The following ZNF536 variants were observed in gnomAD, a reference collection of about 807,000 sequenced individuals.
The protein encoded by ZNF536 is zinc finger protein 536.
Under a neutral mutation model 84.5 loss-of-function variants are expected in ZNF536, and 13 were observed. That is an observed-to-expected ratio of 0.15 (90% CI 0.10 to 0.24). The LOEUF is 0.24. ZNF536 is among the 10% of genes least tolerant of loss of function. The pLI is 1.00. For missense variants in ZNF536, 1,536 were observed against 1,747.5 expected (o/e 0.88, Z 2.16); for synonymous variants, 811 against 742.5 (o/e 1.09, Z -1.50).
chr19:30,606,516 TG>T (rs1425976744), intron 1 of ZNF536, among the ~76,000 whole-genome samples: 2 of 152,148 alleles, frequency 1.3e-5, no homozygotes, highest in Non-Finnish European at 2.9e-5. Context: ...CTGAGCCACC[TG>T]AAGTAAGCAG....
At chr19:30,540,479 G>A (rs1213425089) in intron 3 of ZNF536, among the ~76,000 whole-genome samples, 2 of 152,134 alleles carry the variant, frequency 1.3e-5, no homozygotes, top group East Asian at 1.9e-4. Flanking sequence ...TTCTATCCAC[G>A]CCCATATGCA....
intron 1 of ZNF536, among the ~76,000 whole-genome samples, chr19:30,237,778 T>C (rs566231767): frequency 6.6e-6 from 1 of 152,130 alleles, no homozygotes; most frequent in African/African-American, 2.4e-5. Context: ...ATAAGTTCTT[T>C]TTTTTTTTGC....
chr19:30,633,265 AT>A (rs2048954132), intron 1 of ZNF536, among the ~76,000 whole-genome samples: 2 of 152,168 alleles, frequency 1.3e-5, no homozygotes, highest in South Asian at 4.1e-4. Context: ...ATTCAATTGT[AT>A]TTATTCTTAT....
Position 30,557,212 on chromosome 19 carries a change from T to C in ZNF536, c.*48T>C. On this transcript the variant is annotated 3_prime_UTR_variant, in exon 5 of 5. Transcript: ENST00000355537. ...ATCTGGACTTGCCCTTGTCTGTTCGTGGTCCTCGGTGGTTATCTGCAGCTT... is the reference window on the plus strand; with the variant it reads ...ATCTGGACTTGCCCTTGTCTGTTCGCGGTCCTCGGTGGTTATCTGCAGCTT... 6.2e-7 allele frequency: 1 copy of C among 1,605,046 alleles called. No homozygotes were observed. Among genetic ancestry groups the C allele is most frequent in the Non-Finnish European group, 8.5e-7 (1 of 1,172,610 alleles).
chr19:30,338,483 GTGATGATGA>G (rs113886104), intron 2 of ZNF536, among the ~76,000 whole-genome samples: 3 of 149,336 alleles, frequency 2.0e-5, no homozygotes, highest in African/African-American at 7.4e-5. Context: ...AATGATGATA[GTGATGATGA>G]TGATGATGAT....
At chr19:30,512,535 T>A (rs2055456417) in intron 2 of ZNF536, among the ~76,000 whole-genome samples, 1 of 151,756 alleles carries the variant, frequency 6.6e-6, no homozygotes, top group Non-Finnish European at 1.5e-5. Flanking sequence ...GCATTATATT[T>A]AAAAAAAATC....
chr19:30,675,035 C>T (rs2050700964), intron 1 of ZNF536, among the ~76,000 whole-genome samples: 1 of 152,150 alleles, frequency 6.6e-6, no homozygotes, highest in South Asian at 2.1e-4. Flanking sequence ...TCCCAAGAGA[C>T]ACAGATAACA....
chr19:30,303,684 G>A (rs1295066950), intron 2 of ZNF536, among the ~76,000 whole-genome samples: 1 of 152,102 alleles, frequency 6.6e-6, no homozygotes, highest in African/African-American at 2.4e-5. Context: ...TATATTTTTA[G>A]TAGAGACAAA....
intron 2 of ZNF536, among the ~76,000 whole-genome samples, chr19:30,519,467 G>A (rs2044229102): frequency 3.3e-5 from 5 of 152,218 alleles, no homozygotes; most frequent in African/African-American, 7.2e-5. Context: ...GCCTGGAGGA[G>A]CTGCAGTCTG....
Position 30,521,315 on chromosome 19 carries a change from A to T in ZNF536, c.2171-13532A>T, listed in dbSNP as rs2145711512. ...GGCTGTGGGGACACTTTGCTCAGCT[A>T]CCTGCTGCTCCCCTTCCCTGAAAAG... On this transcript the variant is annotated intron_variant, in intron 2 of 4. Coordinates refer to ENST00000355537, the MANE Select transcript of ZNF536 (RefSeq NM_014717.3). 1.3e-5 allele frequency among the ~76,000 whole-genome samples: 2 copies of T among 152,260 alleles called. 1 individual carries two copies. The highest frequency in any genetic ancestry group is 4.2e-4 in the South Asian group (2 of 4,818).
At chr19:30,409,207 A>G (rs2050386156) in intron 1 of ZNF536, among the ~76,000 whole-genome samples, 2 of 152,232 alleles carry the variant, frequency 1.3e-5, no homozygotes, top group Admixed American at 1.3e-4. Flanking sequence ...GGTGTCTGGC[A>G]TAGAGTAGTT....
chr19:30,490,589 C>T lies in ZNF536; in HGVS notation c.2171-44258C>T, dbSNP rs541610214. On this transcript the variant is annotated intron_variant, in intron 2 of 4. Transcript: ENST00000355537. ...CCACTTAGATAAAGAAACTTCCATG[C>T]TGGCCAGCAGTGGGCATTTTCTTCC... 4.6e-5 allele frequency among the ~76,000 whole-genome samples: 7 copies of T among 152,234 alleles called. No homozygotes were observed. The East Asian group carries it at 1.4e-3, about 29-fold the overall frequency.
At chr19:30,241,615 G>A (rs1211613736) in intron 1 of ZNF536, among the ~76,000 whole-genome samples, 9 of 152,198 alleles carry the variant, frequency 5.9e-5, no homozygotes, top group Admixed American at 5.9e-4. Context: ...GAGTAAAAAA[G>A]GGATGGAGAG....
intron 1 of ZNF536, among the ~76,000 whole-genome samples, chr19:30,688,257 C>A (rs2051275403): frequency 6.6e-6 from 1 of 152,172 alleles, no homozygotes; most frequent in African/African-American, 2.4e-5. Flanking sequence ...TCCTTCCCAG[C>A]ACCTGAGCCT....
Position 30,353,421 on chromosome 19 carries a change from A to T in ZNF536, c.-3+937A>T, listed in dbSNP as rs190498011. On this transcript the variant is annotated intron_variant, in intron 3 of 5. Transcript: ENST00000585628. ...ATTTGAGTTAGAAAGTGTTGATTTCACACTGTGGTGAGTGTTTTCCGTCAG... is the reference window on the plus strand; with the variant it reads ...ATTTGAGTTAGAAAGTGTTGATTTCTCACTGTGGTGAGTGTTTTCCGTCAG... Among the ~76,000 whole-genome samples, 77 of 151,748 alleles carry T rather than the reference A, an allele frequency of 5.1e-4. 1 individual carries two copies. The highest frequency in any genetic ancestry group is 3.4e-3 in the Middle Eastern group (1 of 294).
intron 2 of ZNF536, among the ~76,000 whole-genome samples, chr19:30,465,597 A>T (rs935945959): frequency 2.6e-5 from 4 of 152,116 alleles, no homozygotes; most frequent in Non-Finnish European, 4.4e-5. Context: ...GTGTGGTAAA[A>T]TACACGTAAC....
chr19:30,495,598 G>T (rs2050678726), intron 2 of ZNF536, among the ~76,000 whole-genome samples: 1 of 152,230 alleles, frequency 6.6e-6, no homozygotes, highest in Non-Finnish European at 1.5e-5. Context: ...TTATACACAT[G>T]GAGCGTAGGC....
intron 1 of ZNF536, among the ~76,000 whole-genome samples, chr19:30,245,006 C>T: frequency 6.6e-6 from 1 of 152,218 alleles, no homozygotes; most frequent in East Asian, 1.9e-4. Context: ...CCATCACCAT[C>T]TAACTCATGT....
intron 1 of ZNF536, among the ~76,000 whole-genome samples, chr19:30,270,772 G>A (rs897951804): frequency 2.8e-5 from 4 of 140,942 alleles, no homozygotes; most frequent in Admixed American, 1.4e-4. Context: ...TTTTTTTAAA[G>A]AACAATGCTT....
Sources: allele counts gnomAD v4.1 joint callset (sites outside exome capture counted in the v4.1 genomes callset), GRCh38; gene constraint gnomAD v4.1.1; transcripts MANE v1.5; gene names NCBI Gene and HGNC (gene_info 2026-07-23, HGNC 2026-07-21).